ZC2HC1A: variants seen among roughly 807,000 people sequenced by gnomAD.
ZC2HC1A encodes the protein zinc finger C2HC domain-containing protein 1A.
ZC2HC1A carries 28 observed loss-of-function variants against 40.7 expected under a neutral mutation model. The ratio of observed to expected loss-of-function variants is 0.69; its 90% confidence interval spans 0.51 to 0.94. The LOEUF (loss-of-function observed/expected upper bound fraction) is 0.94. Ranked by LOEUF, ZC2HC1A falls within the 40% of genes least tolerant of loss-of-function variation. The probability of loss-of-function intolerance (pLI) is 0.00; values close to 1 mark genes in which losing one functional copy is unlikely to be tolerated. For missense variants in ZC2HC1A, 389 were observed against 386.3 expected, an observed-to-expected ratio of 1.01 and a Z score of -0.06; for synonymous variants, 129 against 129.2, an observed-to-expected ratio of 1.00 and a Z score of 0.01.
chr8:78,686,341 A>C, intron 3 of ZC2HC1A, 126 bp from the exon 4 acceptor site: 2 of 783,390 alleles, frequency 2.6e-6, no homozygotes, highest in Non-Finnish European at 3.5e-6. Flanking sequence ...TTTGAGAAGG[A>C]TATCATTTAA....
At chr8:78,674,934 G>A (rs1809532044) in intron 1 of ZC2HC1A, among the ~76,000 whole-genome samples, 1 of 151,990 alleles carries the variant, frequency 6.6e-6, no homozygotes, top group Admixed American at 6.6e-5. Flanking sequence ...AAACTATGGG[G>A]AACATGTTAC....
At chr8:78,681,901 CTT>C (rs56181953) in intron 3 of ZC2HC1A, among the ~76,000 whole-genome samples, 34 of 126,466 alleles carry the variant, frequency 2.7e-4, no homozygotes, top group Non-Finnish European at 3.6e-4. Flanking sequence ...CTTTTTCTTT[CTT>C]TTTTTTTTTT....
chr8:78,682,297 A>G (rs757767726), intron 3 of ZC2HC1A, among the ~76,000 whole-genome samples: 7 of 151,894 alleles, frequency 4.6e-5, no homozygotes, highest in Non-Finnish European at 7.3e-5. Flanking sequence ...TTGGATGCAT[A>G]GATGTATTAG....
rs762485159 is a variant in ZC2HC1A, at chr8:78,715,305, A to G, written c.789A>G (p.Thr263=). The change falls in exon 8 of 9, where the codon ACA becomes ACG. Residue 263 remains threonine (T), a synonymous_variant. Transcript: ENST00000263849. ...APGVLTNKRK[T]YTESYIARPD... ...GTGTGCTTACAAACAAAAGAAAAAC[A>G]TATACTGAGAGCTACATAGCCAGGT... 8.1e-6 allele frequency: 13 copies of G among 1,613,614 alleles called. No individual in the cohort carries two copies. The East Asian group carries it at 2.7e-4, about 33-fold the overall frequency.
At chr8:78,667,625 A>C (rs1011212584) in intron 1 of ZC2HC1A, among the ~76,000 whole-genome samples, 2 of 152,182 alleles carry the variant, frequency 1.3e-5, no homozygotes, top group Non-Finnish European at 2.9e-5. Flanking sequence ...AATGTCTGAC[A>C]CAAAGTAGGT....
chr8:78,690,992 C>T (rs1007983595), intron 5 of ZC2HC1A, among the ~76,000 whole-genome samples: 5 of 152,142 alleles, frequency 3.3e-5, no homozygotes, highest in Middle Eastern at 3.4e-3. Context: ...TTTCTTAGGA[C>T]TTTTCTATGT....
intron 1 of ZC2HC1A, among the ~76,000 whole-genome samples, chr8:78,667,802 G>A (rs1347257403): frequency 6.6e-6 from 1 of 152,118 alleles, no homozygotes; most frequent in South Asian, 2.1e-4. Context: ...ACCTTACTAC[G>A]AATGTTTTTA....
intron 7 of ZC2HC1A, among the ~76,000 whole-genome samples, chr8:78,708,619 C>T (rs1810856132): frequency 6.6e-6 from 1 of 150,636 alleles, no homozygotes; most frequent in South Asian, 2.1e-4. Flanking sequence ...GTTTAAAAAA[C>T]AACAAAACAC....
Position 78,681,044 on chromosome 8 carries a change from A to T in ZC2HC1A, c.210+2365A>T, listed in dbSNP as rs1344573346. ...ACATTAGTGAAAATCCCTTTCCTGA[A>T]GATGAGGGGCCTAACATAAAAGGCT... On this transcript the variant is annotated intron_variant, in intron 3 of 8. Coordinates refer to ENST00000263849, the MANE Select transcript of ZC2HC1A (RefSeq NM_016010.3). 2.0e-5 allele frequency among the ~76,000 whole-genome samples: 3 copies of T among 151,940 alleles called. 1 individual carries two copies. In the South Asian group the frequency reaches 6.2e-4, roughly 32 times the overall value.
intron 7 of ZC2HC1A, chr8:78,711,972 C>T (rs950257622): frequency 1.6e-6 from 2 of 1,278,794 alleles, no homozygotes; most frequent in African/African-American, 3.1e-5. Flanking sequence ...ATGGGTACAC[C>T]TTTATATATT....
In ZC2HC1A at chr8:78,697,446, A is replaced by G. The variant is rs776941860; in HGVS notation, c.544A>G (p.Thr182Ala). The change falls in exon 6 of 9, where the codon ACT (threonine) becomes GCT (alanine). Residue 182 changes from threonine to alanine, a missense_variant. Physicochemically the swap from Thr to Ala is moderately conservative, Grantham distance 58. Coordinates refer to ENST00000263849, the MANE Select transcript of ZC2HC1A (RefSeq NM_016010.3). ...ACTTAAAAAGTCAAATTCTCCTGGA[A>G]CTGCATCATCAGGATCTTCACGATT... ...PALKKSNSPG[T>A]ASSGSSRLPQ... is the part of the protein sequence containing the mutation. 3 of 1,609,748 alleles carry G rather than the reference A, an allele frequency of 1.9e-6. No homozygotes were observed. Among genetic ancestry groups the G allele is most frequent in the African/African-American group, 1.3e-5 (1 of 74,684 alleles).
chr8:78,714,474 G>A (rs1415425973), intron 7 of ZC2HC1A, among the ~76,000 whole-genome samples: 3 of 152,046 alleles, frequency 2.0e-5, no homozygotes, highest in Admixed American at 1.3e-4. Context: ...TTCTATAAGT[G>A]ATCATTTTAT....
At chr8:78,685,957 C>G (rs1477958584) in intron 3 of ZC2HC1A, 1 of 152,406 alleles carries the variant, frequency 6.6e-6, no homozygotes, top group African/African-American at 2.4e-5. Context: ...GCTGCATAAT[C>G]CCATGACGGA....
At chr8:78,670,085 A>G (rs1391960633) in intron 1 of ZC2HC1A, among the ~76,000 whole-genome samples, 1 of 150,256 alleles carries the variant, frequency 6.7e-6, no homozygotes, top group East Asian at 2.0e-4. Flanking sequence ...CTCCTCCCTC[A>G]GCCTCCGGAG....
intron 7 of ZC2HC1A, among the ~76,000 whole-genome samples, chr8:78,700,992 T>C (rs887490968): frequency 1.3e-5 from 2 of 152,182 alleles, no homozygotes; most frequent in Admixed American, 6.6e-5. Context: ...TTTTATTCTA[T>C]ATTAATGTTG....
chr8:78,701,228 T>G (rs762486711), intron 7 of ZC2HC1A, among the ~76,000 whole-genome samples: 1 of 152,158 alleles, frequency 6.6e-6, no homozygotes, highest in Admixed American at 6.5e-5. Flanking sequence ...ACCTGTATTC[T>G]TAGGTATTTT....
In ZC2HC1A at chr8:78,676,859, A is replaced by T. The variant is rs146568473; in HGVS notation, c.93+996A>T. Among the ~76,000 whole-genome samples the T allele has an allele frequency of 5.8e-3, 877 of 152,164 alleles. 7 individuals carry two copies. Among genetic ancestry groups the T allele is most frequent in the African/African-American group, 0.02 (822 of 41,558 alleles). On this transcript the variant is annotated intron_variant, in intron 2 of 8. Transcript: ENST00000263849. ...TTGGCTCTCATTTATGTGGTATTTAACTTAATGATGTTATTATAACACCTG... is the reference window on the plus strand; with the variant it reads ...TTGGCTCTCATTTATGTGGTATTTATCTTAATGATGTTATTATAACACCTG...
chr8:78,667,857 C>A (rs1203877124), intron 1 of ZC2HC1A, among the ~76,000 whole-genome samples: 2 of 151,862 alleles, frequency 1.3e-5, no homozygotes, highest in African/African-American at 4.8e-5. Flanking sequence ...CATAGGTGGA[C>A]AAAGGTAGGA....
intron 7 of ZC2HC1A, among the ~76,000 whole-genome samples, chr8:78,703,277 A>G (rs1222737758): frequency 6.6e-6 from 1 of 152,154 alleles, no homozygotes; most frequent in African/African-American, 2.4e-5. Context: ...TTCTGTAAAT[A>G]TCTATCAGGT....
Sources: gnomAD v4.1 joint callset for allele counts (sites outside exome capture counted in the v4.1 genomes callset) on GRCh38, gnomAD v4.1.1 for gene constraint, MANE v1.5 for transcripts, NCBI Gene and HGNC (gene_info 2026-07-23, HGNC 2026-07-21) for gene names.